RAP1GAP: variants seen among roughly 807,000 people sequenced by gnomAD.
RAP1GAP encodes the protein rap1 GTPase-activating protein 1.
Under a neutral mutation model 87.2 loss-of-function variants are expected in RAP1GAP, and 35 were observed. The observed-to-expected ratio is 0.40, with a 90% CI of 0.31 to 0.53. RAP1GAP has a LOEUF of 0.53. Among genes scored for constraint, RAP1GAP ranks in the 20% least tolerant of loss-of-function variants. The pLI is 0.48. For synonymous variants in RAP1GAP, 375 were observed against 363.9 expected (o/e 1.03, Z -0.35); for missense variants, 734 against 898.9 (o/e 0.82, Z 2.35).
chr1:21,608,583 T>A (rs2149198181), intron 16 of RAP1GAP, among the ~76,000 whole-genome samples: 1 of 147,898 alleles, frequency 6.8e-6, no homozygotes, highest in African/African-American at 2.5e-5. Flanking sequence ...TGGCTTCATG[T>A]CCCCACCCCC....
In RAP1GAP at chr1:21,603,526, C is replaced by T. The variant is rs1039392108; in HGVS notation, c.1429-613G>A. 4.8e-5 allele frequency: 29 copies of T among 603,284 alleles called. No homozygotes were observed. The highest frequency in any genetic ancestry group is 7.7e-5 in the Non-Finnish European group (26 of 336,150). 37.4% of individuals were successfully genotyped at this position (603,284 alleles called of 1,614,324 possible). A position where few individuals can be genotyped will look rare whatever the true frequency, so the allele number is the denominator to read the frequency against. On this transcript the variant is annotated intron_variant, in intron 18 of 24. Transcript: ENST00000374765. This position sits in a 1 kb window ranked among gnomAD's most constrained non-coding sequence, Gnocchi z 6.0. ...AGGGATGGCGCTCCATGCAGACCGG[C>T]GATATTGGGGGACGTGCGGCTGGGT...
At chr1:21,608,979 G>A (rs1206163238) in intron 15 of RAP1GAP, 43 bp from the exon 16 acceptor site, 17 of 1,525,924 alleles carry the variant, frequency 1.1e-5, no homozygotes, top group Non-Finnish European at 1.5e-5. Context: ...GGGAAGTTGA[G>A]ATGACACATA....
rs1423904395 is a variant in RAP1GAP at position 21,610,115 on chromosome 1, C to T, written c.999+5G>A. On this transcript the variant is annotated splice_donor_5th_base_variant and intron_variant, in intron 14 of 24. Transcript: ENST00000374765. ...ATGCCCCTGGGAGGCTCCAAGAGCG[C>T]CCACCTTGTAGAGGGGGCCATCAGG... The T allele has an allele frequency of 1.2e-6, 2 of 1,613,314 alleles. No homozygotes were observed. The highest frequency in any genetic ancestry group is 1.7e-5 in the Admixed American group (1 of 59,940).
intron 2 of RAP1GAP, among the ~76,000 whole-genome samples, chr1:21,627,525 C>T (rs2092628959): frequency 6.6e-6 from 1 of 151,384 alleles, no homozygotes; most frequent in Non-Finnish European, 1.5e-5. Context: ...GAGCGATTCT[C>T]CTGCCTCAGC....
At chr1:21,601,862 G>A (rs2068828058) in intron 19 of RAP1GAP, 65 bp from the exon 20 acceptor site, 4 of 1,170,622 alleles carry the variant, frequency 3.4e-6, no homozygotes, top group Non-Finnish European at 4.8e-6. Flanking sequence ...GTAGCGTGAG[G>A]CCCAGGCGGT....
At chr1:21,628,422 A>T (rs1432403564) in intron 2 of RAP1GAP, among the ~76,000 whole-genome samples, 1 of 127,262 alleles carries the variant, frequency 7.9e-6, no homozygotes, top group Admixed American at 7.4e-5. Flanking sequence ...AAAAAAAAAA[A>T]AAAAAAAAAA....
chr1:21,649,898 G>A (rs2096421374), intron 1 of RAP1GAP, 102 bp from the exon 2 acceptor site: 1 of 1,222,474 alleles, frequency 8.2e-7, no homozygotes, highest in Non-Finnish European at 1.2e-6. Flanking sequence ...TCCCAGAGGG[G>A]CTGGAGAAGG....
Position 21,622,648 on chromosome 1 carries a change from C to A in RAP1GAP, c.-18-2598G>T. The A allele has an allele frequency of 6.8e-6, 1 of 147,492 alleles. No individual in the cohort carries two copies. The highest frequency in any genetic ancestry group is 2.1e-4 in the South Asian group (1 of 4,832). 9.1% of individuals were successfully genotyped at this position (147,492 alleles called of 1,614,324 possible). A position where few individuals can be genotyped will look rare whatever the true frequency, so the allele number is the denominator to read the frequency against. Reference sequence around the variant, plus strand: ...GCGGGGCGGGGGCGCTGAAGCCACGCCCCCCGGGCGGCCCGGCCCGCGGCC... The same window carrying A: ...GCGGGGCGGGGGCGCTGAAGCCACGACCCCCGGGCGGCCCGGCCCGCGGCC... On this transcript the variant is annotated intron_variant, in intron 3 of 24. Transcript: ENST00000374765. The surrounding 1 kb of genome is among the most constrained non-coding windows in gnomAD (Gnocchi z 5.7).
intron 3 of RAP1GAP, among the ~76,000 whole-genome samples, chr1:21,624,988 C>G (rs1389937948): frequency 6.6e-6 from 1 of 152,200 alleles, no homozygotes; most frequent in African/African-American, 2.4e-5. Flanking sequence ...CATTCATGAA[C>G]CCAGCTGTCA....
intron 16 of RAP1GAP, 141 bp from the exon 17 acceptor site, chr1:21,608,491 C>G (rs911275196): frequency 4.3e-6 from 5 of 1,166,014 alleles, no homozygotes; most frequent in Non-Finnish European, 5.9e-6. Flanking sequence ...GCTCCTGCAC[C>G]GCCTTCCCCC....
rs148629393 is a variant in RAP1GAP at position 21,636,352 on chromosome 1, T to C, written c.-112-9955A>G. ...GACCTCTGAGGGTTAAATGAGTTCA[T>C]TGGTGTAAAGTGCTTAACATTCACC... On this transcript the variant is annotated intron_variant, in intron 2 of 24. Transcript: ENST00000374765. 3.8e-3 allele frequency among the ~76,000 whole-genome samples: 575 copies of C among 152,360 alleles called. 3 individuals are homozygous for C. The highest frequency in any genetic ancestry group is 5.8e-3 in the Non-Finnish European group (394 of 68,028).
rs1645825970 is a variant in RAP1GAP, at chr1:21,597,624, C to T, written c.*34+62G>A. ...TGACAGAAGAACAGGGAGGAATCAG[C>T]TCAGCCCTCTACACACCCCCACCCT... On this transcript the variant is annotated intron_variant, in intron 24 of 24. Transcript: ENST00000374765. 2.8e-6 allele frequency: 4 copies of T among 1,440,986 alleles called. No individual in the cohort carries two copies. In the South Asian group the frequency reaches 4.0e-5, roughly 14 times the overall value. The allele number at this position is 1,440,986 out of a possible 1,614,324, so 89.3% of individuals were successfully genotyped here.
rs1307726218 is a variant in RAP1GAP at position 21,611,460 on chromosome 1, C to T, written c.835G>A (p.Ala279Thr). 3 of 1,613,408 alleles carry T rather than the reference C, an allele frequency of 1.9e-6. No individual in the cohort carries two copies. Among genetic ancestry groups the T allele is most frequent in the East Asian group, 2.2e-5 (1 of 44,864 alleles). The part of the protein sequence containing the change: ...STKLPYTEGD[A>T]QQLQRKRHIG... The stretch of plus-strand genomic sequence containing the variant: ...GGGGGTGCCCAGGCTACCTGCTGGG[C>T]GTCCCCTTCCGTGTATGGCAGCTTG... Residue 279 changes from alanine (A) to threonine (T), a missense_variant, in exon 13 of 25, where the codon GCC becomes ACC. Ala to Thr is a moderately conservative substitution (Grantham distance 58). This residue lies in a region of RAP1GAP where 485 missense variants were observed against 646.2 expected (regional missense o/e 0.75). Transcript: ENST00000374765.
intron 12 of RAP1GAP, 21 bp from the exon 13 acceptor site, chr1:21,611,602 C>T (rs892516186): frequency 1.5e-5 from 25 of 1,613,974 alleles, no homozygotes; most frequent in Non-Finnish European, 2.1e-5. Context: ...GCCCCCCAGG[C>T]CACGCCTCAG....
chr1:21,601,652 GC>G, intron 20 of RAP1GAP, 31 bp downstream of exon 20: 1 of 1,515,972 alleles, frequency 6.6e-7, no homozygotes, highest in Middle Eastern at 1.8e-4. Context: ...CCACTCCCAA[GC>G]CCCCAAGCCC....
chr1:21,604,182 G>A (rs571529296), intron 18 of RAP1GAP, among the ~76,000 whole-genome samples: 5 of 152,128 alleles, frequency 3.3e-5, no homozygotes, highest in African/African-American at 1.2e-4. Context: ...GTGAGCCAGC[G>A]AGGGCACACC....
intron 1 of RAP1GAP, chr1:21,653,176 C>T (rs2096693589): frequency 6.6e-6 from 1 of 152,148 alleles, no homozygotes; most frequent in Admixed American, 6.5e-5. Context: ...ATTTTAGACA[C>T]GAAGAAATTG....
At position 21,664,061 on chromosome 1, in the gene RAP1GAP, C is replaced by T. The variant is rs368948291; in HGVS notation, c.-149+5193G>A. Among the ~76,000 whole-genome samples the T allele has an allele frequency of 2.6e-5, 4 of 152,188 alleles. No individual in the cohort carries two copies. In the East Asian group the frequency reaches 5.8e-4, roughly 22 times the overall value. On this transcript the variant is annotated intron_variant, in intron 1 of 24. Coordinates refer to ENST00000374765, the MANE Select transcript of RAP1GAP (RefSeq NM_002885.4). ...GAAAGGGAGGCTCAAAGAGGCCGGG[C>T]GGCTTGCCTGAGCTCACCCAGCTAG... is the stretch of plus-strand genomic sequence containing the variant.
chr1:21,632,202 C>T (rs1326252977), intron 2 of RAP1GAP, among the ~76,000 whole-genome samples: 1 of 152,156 alleles, frequency 6.6e-6, no homozygotes, highest in Admixed American at 6.5e-5. Context: ...AAGGGTGAAG[C>T]AAGGGTGTGG....
Sources: gnomAD v4.1 joint callset for allele counts (sites outside exome capture counted in the v4.1 genomes callset) on GRCh38, gnomAD v4.1.1 for gene constraint, gnomAD v4.1.1 regional missense constraint, Gnocchi (gnomAD v3.1) non-coding constraint, MANE v1.5 for transcripts, NCBI Gene and HGNC (gene_info 2026-07-23, HGNC 2026-07-21) for gene names.